IMMP2L: variants seen among roughly 807,000 people sequenced by gnomAD.
The protein encoded by IMMP2L is mitochondrial inner membrane protease subunit 2.
IMMP2L carries 18 observed loss-of-function variants against 19.3 expected under a neutral mutation model. The observed-to-expected ratio is 0.93, with a 90% CI of 0.64 to 1.38. The LOEUF (loss-of-function observed/expected upper bound fraction) is 1.38, where lower values mean the gene tolerates loss of function less well. Among genes scored for constraint, IMMP2L ranks in the 40% most tolerant of loss-of-function variants. The pLI, the probability that IMMP2L is intolerant of heterozygous loss-of-function variation, is 0.00. For missense variants in IMMP2L, 233 were observed against 218.2 expected, an observed-to-expected ratio of 1.07 and a Z score of -0.43; for synonymous variants, 76 against 73.0, an observed-to-expected ratio of 1.04 and a Z score of -0.21.
intron 5 of IMMP2L, among the ~76,000 whole-genome samples, chr7:110,829,103 A>T (rs1301247788): frequency 6.6e-6 from 1 of 152,154 alleles, no homozygotes; most frequent in Non-Finnish European, 1.5e-5. Flanking sequence ...AGATTGGCAA[A>T]GATGGTATTA....
At chr7:110,665,839 A>G (rs943585478) in intron 5 of IMMP2L, among the ~76,000 whole-genome samples, 29 of 152,192 alleles carry the variant, frequency 1.9e-4, no homozygotes, top group African/African-American at 6.3e-4. Flanking sequence ...AATAATGTAA[A>G]TATCCTATAT....
chr7:111,432,976 A>C (rs1397126966), intron 3 of IMMP2L, among the ~76,000 whole-genome samples: 1 of 151,566 alleles, frequency 6.6e-6, no homozygotes, highest in East Asian at 1.9e-4. Context: ...AAAAAAAAAA[A>C]CACACCTGGG....
At chr7:111,274,297 G>T (rs998372066) in intron 3 of IMMP2L, among the ~76,000 whole-genome samples, 5 of 152,056 alleles carry the variant, frequency 3.3e-5, no homozygotes, top group African/African-American at 1.2e-4. Flanking sequence ...CCATTAAAAG[G>T]AAGGCTAAAA....
chr7:111,266,751 T>G (rs1482471988), intron 3 of IMMP2L, among the ~76,000 whole-genome samples: 1 of 152,158 alleles, frequency 6.6e-6, no homozygotes, highest in African/African-American at 2.4e-5. Flanking sequence ...GCCAGACATG[T>G]GAAATTGCCA....
chr7:110,744,985 A>G (rs1797238810), intron 5 of IMMP2L, among the ~76,000 whole-genome samples: 1 of 152,212 alleles, frequency 6.6e-6, no homozygotes, highest in South Asian at 2.1e-4. Context: ...AACCCAATGT[A>G]AGGAAGTTAA....
chr7:111,158,365 A>G (rs1266515617), intron 3 of IMMP2L, among the ~76,000 whole-genome samples: 1 of 152,146 alleles, frequency 6.6e-6, no homozygotes, highest in Non-Finnish European at 1.5e-5. Context: ...CAGTAAAAAC[A>G]TAATTCATAA....
chr7:111,251,001 T>C (rs181425898), intron 3 of IMMP2L, among the ~76,000 whole-genome samples: 13 of 152,150 alleles, frequency 8.5e-5, no homozygotes, highest in African/African-American at 3.1e-4. Flanking sequence ...CTGCAATCTA[T>C]CCATCCGACA....
intron 3 of IMMP2L, among the ~76,000 whole-genome samples, chr7:111,041,798 T>A (rs1219146252): frequency 1.3e-5 from 2 of 152,152 alleles, no homozygotes; most frequent in African/African-American, 4.8e-5. Flanking sequence ...AGACATCAGG[T>A]GTCCCGCATA....
intron 3 of IMMP2L, among the ~76,000 whole-genome samples, chr7:111,138,113 G>C (rs1277868971): frequency 6.6e-6 from 1 of 152,126 alleles, no homozygotes; most frequent in Non-Finnish European, 1.5e-5. Context: ...TTACAGGCCT[G>C]AGCCACCGTG....
intron 3 of IMMP2L, among the ~76,000 whole-genome samples, chr7:111,341,531 G>A (rs1370136386): frequency 6.6e-6 from 1 of 151,986 alleles, no homozygotes; most frequent in Non-Finnish European, 1.5e-5. Context: ...AAAGGAAACT[G>A]GCTTGAAATA....
At chr7:110,874,030 C>T (rs1808810043) in intron 5 of IMMP2L, among the ~76,000 whole-genome samples, 1 of 152,094 alleles carries the variant, frequency 6.6e-6, no homozygotes, top group Non-Finnish European at 1.5e-5. Context: ...ACTTCACTTT[C>T]AACCAAGTGG....
chr7:111,379,688 A>T (rs1393451213), intron 3 of IMMP2L, among the ~76,000 whole-genome samples: 2 of 151,900 alleles, frequency 1.3e-5, no homozygotes, highest in African/African-American at 4.8e-5. Flanking sequence ...CGAAAATTCC[A>T]GAAGTATAAA....
rs377180143 is a variant in IMMP2L, at chr7:111,326,435, G to A, written c.239+160803C>T. 2.6e-5 allele frequency among the ~76,000 whole-genome samples: 4 copies of A among 151,858 alleles called. No individual in the cohort carries two copies. The East Asian group carries it at 7.7e-4, about 29-fold the overall frequency. On this transcript the variant is annotated intron_variant, in intron 3 of 5. Coordinates refer to ENST00000405709, the MANE Select transcript of IMMP2L (RefSeq NM_032549.4). Reference sequence around the variant, plus strand: ...ATGGGCATGCATTCTCCCTCCATAAGTGAAAGCTGTACAATGCCTCAATTC... The same window carrying A: ...ATGGGCATGCATTCTCCCTCCATAAATGAAAGCTGTACAATGCCTCAATTC...
At chr7:110,910,847 C>T (rs558217828) in intron 4 of IMMP2L, among the ~76,000 whole-genome samples, 24 of 152,112 alleles carry the variant, frequency 1.6e-4, no homozygotes, top group Admixed American at 4.6e-4. Context: ...CTGGTATTTG[C>T]GACACATAAT....
At chr7:111,283,014 G>A (rs1820071030) in intron 3 of IMMP2L, among the ~76,000 whole-genome samples, 1 of 152,028 alleles carries the variant, frequency 6.6e-6, no homozygotes, top group East Asian at 1.9e-4. Flanking sequence ...CACAACACCT[G>A]AATATACATT....
chr7:110,764,647 C>T (rs1427657058), intron 5 of IMMP2L, among the ~76,000 whole-genome samples: 1 of 151,946 alleles, frequency 6.6e-6, no homozygotes, highest in Non-Finnish European at 1.5e-5. Context: ...TAAGGTAGCA[C>T]CTAATTATAA....
At chr7:111,541,975 A>G (rs1182864147) in intron 1 of IMMP2L, among the ~76,000 whole-genome samples, 2 of 152,152 alleles carry the variant, frequency 1.3e-5, no homozygotes, top group Non-Finnish European at 2.9e-5. Context: ...TTAAAAATAA[A>G]AGTGAGACGT....
At chr7:111,130,668 T>G (rs2129593644) in intron 3 of IMMP2L, among the ~76,000 whole-genome samples, 1 of 152,220 alleles carries the variant, frequency 6.6e-6, no homozygotes, top group South Asian at 2.1e-4. Context: ...CCCTGTCATT[T>G]GTGGTACTAG....
At chr7:110,970,211 T>C (rs1301579619) in intron 3 of IMMP2L, among the ~76,000 whole-genome samples, 1 of 152,140 alleles carries the variant, frequency 6.6e-6, no homozygotes, top group Non-Finnish European at 1.5e-5. Flanking sequence ...AAAACAAATG[T>C]CTTCATTTAA....
Sources: allele counts gnomAD v4.1 joint callset (sites outside exome capture counted in the v4.1 genomes callset), GRCh38; gene constraint gnomAD v4.1.1; transcripts MANE v1.5; gene names NCBI Gene and HGNC (gene_info 2026-07-23, HGNC 2026-07-21).